KIAA1217: variants seen among roughly 807,000 people sequenced by gnomAD.
KIAA1217 encodes the protein KIAA1217.
A neutral mutation model predicts 163.9 loss-of-function variants in KIAA1217; 88 were observed. The ratio of observed to expected loss-of-function variants is 0.54; its 90% CI spans 0.45 to 0.64. KIAA1217 has a LOEUF of 0.64. KIAA1217 is among the 30% of genes least tolerant of loss of function. The pLI is 0.00. For synonymous variants in KIAA1217, 903 were observed against 923.1 expected, an observed-to-expected ratio of 0.98 and a Z score of 0.39; for missense variants, 2,372 against 2,475.0, an observed-to-expected ratio of 0.96 and a Z score of 0.88.
intron 2 of KIAA1217, among the ~76,000 whole-genome samples, chr10:24,196,029 G>C (rs1232490143): frequency 6.6e-6 from 1 of 152,018 alleles, no homozygotes; most frequent in Non-Finnish European, 1.5e-5. Flanking sequence ...CAGCTAGTGG[G>C]AGGCTGAGGC....
Position 24,433,053 on chromosome 10 carries a change from C to T in KIAA1217, c.612C>T (p.Ile204=), listed in dbSNP as rs767467613. 1.2e-6 allele frequency: 2 copies of T among 1,614,092 alleles called. No individual in the cohort carries two copies. Among genetic ancestry groups the T allele is most frequent in the Non-Finnish European group, 1.7e-6 (2 of 1,179,998 alleles). The change falls in exon 4 of 21, where the codon ATC becomes ATT. Residue 204 remains isoleucine, a synonymous_variant. Coordinates refer to ENST00000376454, the MANE Select transcript of KIAA1217 (RefSeq NM_019590.5). ...ETKQLRMPNE[I]TSADTIRALF... Reference sequence around the variant, plus strand: ...AGCAGCTCAGGATGCCGAATGAAATCACAAGTGCAGACACAATCCGTGCTC... The same window carrying T: ...AGCAGCTCAGGATGCCGAATGAAATTACAAGTGCAGACACAATCCGTGCTC...
chr10:23,942,924 A>G (rs1422865608), intron 1 of KIAA1217, among the ~76,000 whole-genome samples: 1 of 150,998 alleles, frequency 6.6e-6, no homozygotes, highest in Non-Finnish European at 1.5e-5. Context: ...CCTGGACAAC[A>G]TAGTGATATC....
At chr10:23,981,520 G>C (rs11013825) in intron 1 of KIAA1217, among the ~76,000 whole-genome samples, 31,192 of 152,126 alleles carry the variant, frequency 0.21, 3,500 homozygotes, top group Middle Eastern at 0.3. Flanking sequence ...ATGTCTATAC[G>C]CAAGTGAGGG....
intron 1 of KIAA1217, among the ~76,000 whole-genome samples, chr10:23,886,031 G>A (rs1287293621): frequency 2.0e-5 from 3 of 151,858 alleles, no homozygotes; most frequent in Non-Finnish European, 4.4e-5. Context: ...TCTTTGAAAC[G>A]TACTTACGCG....
At chr10:24,253,701 C>G (rs1420654950) in intron 2 of KIAA1217, among the ~76,000 whole-genome samples, 1 of 146,336 alleles carries the variant, frequency 6.8e-6, no homozygotes, top group East Asian at 1.9e-4. Context: ...CACTGCAATC[C>G]AGCCTGGGCA....
At chr10:24,129,558 A>C (rs1282759486) in intron 2 of KIAA1217, among the ~76,000 whole-genome samples, 1 of 152,152 alleles carries the variant, frequency 6.6e-6, no homozygotes, top group Non-Finnish European at 1.5e-5. Flanking sequence ...ATACTTCATA[A>C]TCAATAGGAC....
At chr10:24,240,867 A>T (rs115348124) in intron 2 of KIAA1217, among the ~76,000 whole-genome samples, 3,578 of 140,816 alleles carry the variant, frequency 0.025, 65 homozygotes, top group East Asian at 0.083. Flanking sequence ...TTTTTTTTTT[A>T]AAAAAAAAAG....
chr10:23,984,329 A>C (rs1210514907), intron 1 of KIAA1217, among the ~76,000 whole-genome samples: 2 of 152,220 alleles, frequency 1.3e-5, no homozygotes, highest in African/African-American at 2.4e-5. Flanking sequence ...ACAGCCAAAC[A>C]GTCACAGTCT....
rs186296957 is a variant in KIAA1217 at position 24,177,487 on chromosome 10, G to T, written c.-170-42139G>T. On this transcript the variant is annotated intron_variant, in intron 2 of 18. Transcript: ENST00000376462. The stretch of plus-strand genomic sequence containing the variant: ...TGTTGCTATAAACATGCACACGCAA[G>T]TATCTTTTTCATATAATGACTTCTT... Among the ~76,000 whole-genome samples the T allele has an allele frequency of 2.4e-3, 357 of 150,954 alleles. 3 individuals are homozygous for T. The highest frequency in any genetic ancestry group is 7.9e-3 in the African/African-American group (324 of 40,926).
At chr10:24,044,799 G>C (rs1226128880) in intron 2 of KIAA1217, among the ~76,000 whole-genome samples, 1 of 151,976 alleles carries the variant, frequency 6.6e-6, no homozygotes, top group Non-Finnish European at 1.5e-5. Context: ...TTCTCTTACA[G>C]TTTTAAAGTC....
At chr10:23,964,365 C>T (rs1470493738) in intron 1 of KIAA1217, among the ~76,000 whole-genome samples, 2 of 149,184 alleles carry the variant, frequency 1.3e-5, no homozygotes, top group African/African-American at 4.9e-5. Flanking sequence ...CAGATGGATA[C>T]ATTGCAAAAA....
chr10:23,925,507 A>G (rs1009584188), intron 1 of KIAA1217, among the ~76,000 whole-genome samples: 1 of 152,210 alleles, frequency 6.6e-6, no homozygotes, highest in African/African-American at 2.4e-5. Context: ...CTGTCGCTGG[A>G]CTTTTCCAAC....
chr10:24,213,700 G>GAATC (rs1405170188), intron 1 of KIAA1217, among the ~76,000 whole-genome samples: 3 of 151,914 alleles, frequency 2.0e-5, no homozygotes, highest in Admixed American at 1.3e-4. Context: ...ATGAATGAAT[G>GAATC]AATCAATCAG....
Position 23,762,313 on chromosome 10 carries a change from C to CA in KIAA1217, c.-321+67091dup, listed in dbSNP as rs140364563. On this transcript the variant is annotated intron_variant, in intron 1 of 18. Coordinates refer to the KIAA1217 transcript ENST00000376462. ...ATACCAAAACCTGGAAGAGACACAA[C>CA]AAAAAAAAAAAAGAAAACAGGCCAA... Among the ~76,000 whole-genome samples, 355 of 141,086 alleles carry CA rather than the reference C, an allele frequency of 2.5e-3. 2 individuals are homozygous for CA. Among genetic ancestry groups the CA allele is most frequent in the African/African-American group, 5.8e-3 (231 of 40,008 alleles). The allele number at this position is 141,086 out of a possible 152,430, so 92.6% of individuals were successfully genotyped here.
At chr10:24,326,029 G>T (rs762139437) in intron 2 of KIAA1217, among the ~76,000 whole-genome samples, 9 of 152,098 alleles carry the variant, frequency 5.9e-5, no homozygotes, top group South Asian at 2.1e-4. Context: ...GACCTGCCCC[G>T]CTAAGGCCTG....
At chr10:23,816,600 A>G (rs1837324346) in intron 1 of KIAA1217, among the ~76,000 whole-genome samples, 1 of 152,256 alleles carries the variant, frequency 6.6e-6, no homozygotes, top group South Asian at 2.1e-4. Flanking sequence ...TCAGGAGTTC[A>G]CTTTTTGATA....
chr10:24,293,125 C>T (rs1407176079), intron 2 of KIAA1217, among the ~76,000 whole-genome samples: 1 of 152,220 alleles, frequency 6.6e-6, no homozygotes, highest in Non-Finnish European at 1.5e-5. Flanking sequence ...TGGCTGCAAC[C>T]TCTGCCTCCT....
chr10:23,954,213 A>G (rs1023907435), intron 1 of KIAA1217, among the ~76,000 whole-genome samples: 3 of 152,126 alleles, frequency 2.0e-5, no homozygotes, highest in Non-Finnish European at 4.4e-5. Context: ...ATTAAAGCAG[A>G]TGCACCCAGC....
At chr10:24,290,150 C>A (rs1208360875) in intron 2 of KIAA1217, among the ~76,000 whole-genome samples, 1 of 151,970 alleles carries the variant, frequency 6.6e-6, no homozygotes, top group South Asian at 2.1e-4. Flanking sequence ...TCTGGAGGTG[C>A]CAAGCCTTGT....
Sources: allele counts gnomAD v4.1 joint callset (sites outside exome capture counted in the v4.1 genomes callset), GRCh38; gene constraint gnomAD v4.1.1; transcripts MANE v1.5; gene names NCBI Gene and HGNC (gene_info 2026-07-23, HGNC 2026-07-21).